Variants in ERBB4 observed in about 807,000 individuals in gnomAD.
ERBB4 encodes the protein erb-b2 receptor tyrosine kinase 4, also known as receptor tyrosine-protein kinase erbB-4.
In ERBB4, 42 loss-of-function variants were observed where a neutral mutation model predicts 158.0. The ratio of observed to expected loss-of-function variants is 0.27; its 90% confidence interval spans 0.21 to 0.34. The LOEUF (loss-of-function observed/expected upper bound fraction) is 0.34, where lower values mean the gene tolerates loss of function less well. Ranked by LOEUF, ERBB4 falls within the 10% of genes least tolerant of loss-of-function variation. The probability of loss-of-function intolerance (pLI) is 1.00; values close to 1 mark genes in which losing one functional copy is unlikely to be tolerated. For synonymous variants in ERBB4, 583 were observed against 558.7 expected (o/e 1.04, Z -0.61); for missense variants, 1,333 against 1,624.1 (o/e 0.82, Z 3.08).
chr2:212,397,245 C>G (rs932815541), intron 1 of ERBB4, among the ~76,000 whole-genome samples: 1 of 151,914 alleles, frequency 6.6e-6, no homozygotes, highest in Non-Finnish European at 1.5e-5. Context: ...GAGACTGAGG[C>G]GGGAGGATCA....
intron 2 of ERBB4, among the ~76,000 whole-genome samples, chr2:211,979,352 A>G (rs568691674): frequency 6.6e-6 from 1 of 152,328 alleles, no homozygotes; most frequent in African/African-American, 2.4e-5. Flanking sequence ...AGCAATTTGT[A>G]TATCAAGTTT....
At chr2:212,375,860 T>A (rs1211267469) in intron 1 of ERBB4, among the ~76,000 whole-genome samples, 1 of 152,058 alleles carries the variant, frequency 6.6e-6, no homozygotes, top group Non-Finnish European at 1.5e-5. Flanking sequence ...GGTGAAAGAA[T>A]GATGAAATCA....
chr2:212,402,643 G>A (rs182989088), intron 1 of ERBB4, among the ~76,000 whole-genome samples: 1 of 152,058 alleles, frequency 6.6e-6, no homozygotes, highest in Admixed American at 6.6e-5. Context: ...TATTACAACT[G>A]CATGTGAATC....
intron 20 of ERBB4, among the ~76,000 whole-genome samples, chr2:211,558,267 C>G (rs1054298688): frequency 2.6e-5 from 4 of 152,104 alleles, no homozygotes; most frequent in African/African-American, 9.7e-5. Context: ...TCATTTCCAG[C>G]TTCTAGAGGT....
intron 20 of ERBB4, among the ~76,000 whole-genome samples, chr2:211,552,324 C>CA (rs1382926900): frequency 2.0e-5 from 3 of 151,646 alleles, no homozygotes; most frequent in African/African-American, 7.3e-5. Context: ...AGTCTGTTTG[C>CA]AAAAATACAC....
intron 19 of ERBB4, among the ~76,000 whole-genome samples, chr2:211,586,395 G>T (rs903711148): frequency 6.6e-6 from 1 of 152,252 alleles, no homozygotes; most frequent in Admixed American, 6.5e-5. Context: ...AAAAGAAATA[G>T]AGTTGTATAA....
chr2:211,503,177 CAG>C (rs780907445), intron 20 of ERBB4, among the ~76,000 whole-genome samples: 102 of 152,086 alleles, frequency 6.7e-4, no homozygotes, highest in Non-Finnish European at 1.4e-3. Flanking sequence ...CTAGAGAATA[CAG>C]AGAGACCGTT....
At chr2:212,527,737 G>A (rs573436234) in intron 1 of ERBB4, among the ~76,000 whole-genome samples, 19 of 144,270 alleles carry the variant, frequency 1.3e-4, no homozygotes, top group African/African-American at 4.8e-4. Flanking sequence ...AAGTTTTAGG[G>A]TACCTGTGCA....
rs373727494 is a variant in ERBB4 at position 211,464,275 on chromosome 2, T to C, written c.2488-33175A>G. 5.3e-5 allele frequency among the ~76,000 whole-genome samples: 8 copies of C among 152,314 alleles called. No individual in the cohort carries two copies. The East Asian group carries it at 1.2e-3, about 22-fold the overall frequency. On this transcript the variant is annotated intron_variant, in intron 20 of 27. Coordinates refer to ENST00000342788, the MANE Select transcript of ERBB4 (RefSeq NM_005235.3). ...AAGACAGTGCCTAGAACATACATAA[T>C]AGGCACTCGCCAAATATTTATTGGG...
At chr2:212,352,325 T>TAAA (rs5838322) in intron 1 of ERBB4, among the ~76,000 whole-genome samples, 4 of 145,076 alleles carry the variant, frequency 2.8e-5, no homozygotes, top group African/African-American at 5.1e-5. Flanking sequence ...AAATAAAAGT[T>TAAA]AAAAAAAAAA....
intron 1 of ERBB4, among the ~76,000 whole-genome samples, chr2:212,465,812 C>T (rs16848611): frequency 0.16 from 24,809 of 152,134 alleles, 2,250 homozygotes; most frequent in African/African-American, 0.23. Context: ...CCTCTTTTCC[C>T]CATCCACAGT....
chr2:212,425,229 C>T (rs558668185), intron 1 of ERBB4, among the ~76,000 whole-genome samples: 2 of 149,148 alleles, frequency 1.3e-5, no homozygotes, highest in South Asian at 2.1e-4. Flanking sequence ...AATATTTGCT[C>T]ACATTAAAAA....
chr2:211,579,998 T>C (rs1158567334), intron 19 of ERBB4, among the ~76,000 whole-genome samples: 3 of 152,194 alleles, frequency 2.0e-5, no homozygotes, highest in East Asian at 3.8e-4. Flanking sequence ...TATCCAATTT[T>C]ATATTAAAGA....
chr2:211,769,847 C>A (rs752313695), intron 4 of ERBB4, among the ~76,000 whole-genome samples: 5 of 152,218 alleles, frequency 3.3e-5, no homozygotes, highest in Non-Finnish European at 7.3e-5. Flanking sequence ...ATTCTAGCAG[C>A]ACCAGCAGCT....
chr2:212,023,505 T>C (rs1370563156), intron 2 of ERBB4, among the ~76,000 whole-genome samples: 1 of 57,016 alleles, frequency 1.8e-5, no homozygotes, highest in Non-Finnish European at 5.0e-5. Context: ...AAAGCGTTTA[T>C]ACAAGTTAAT....
At chr2:211,831,116 GATGA>G (rs2077209219) in intron 3 of ERBB4, among the ~76,000 whole-genome samples, 1 of 152,170 alleles carries the variant, frequency 6.6e-6, no homozygotes, top group Non-Finnish European at 1.5e-5. Context: ...TTAGCTTGGA[GATGA>G]ATGAATAAAA....
chr2:212,378,797 G>T (rs867192416), intron 1 of ERBB4, among the ~76,000 whole-genome samples: 75 of 151,856 alleles, frequency 4.9e-4, no homozygotes, highest in African/African-American at 1.6e-3. Flanking sequence ...ACCAATGTTC[G>T]AGTTAACAAT....
intron 2 of ERBB4, among the ~76,000 whole-genome samples, chr2:212,025,576 T>A (rs1448582603): frequency 6.6e-6 from 1 of 151,808 alleles, no homozygotes; most frequent in Non-Finnish European, 1.5e-5. Flanking sequence ...GATTGCTTCC[T>A]TTTATCCCTG....
intron 3 of ERBB4, among the ~76,000 whole-genome samples, chr2:211,793,800 C>T (rs1448826328): frequency 6.6e-6 from 1 of 151,876 alleles, no homozygotes; most frequent in Admixed American, 6.6e-5. Context: ...CCTCAAGGTT[C>T]ATTATTAATA....
Sources: gnomAD v4.1 joint callset for allele counts (sites outside exome capture counted in the v4.1 genomes callset) on GRCh38, gnomAD v4.1.1 for gene constraint, MANE v1.5 for transcripts, NCBI Gene and HGNC (gene_info 2026-07-23, HGNC 2026-07-21) for gene names.